GRIA1: variants seen among roughly 807,000 people sequenced by gnomAD.
The protein encoded by GRIA1 is glutamate receptor 1.
In GRIA1, 31 loss-of-function variants were observed where a neutral mutation model predicts 99.2. That is an observed-to-expected ratio of 0.31 (90% confidence interval 0.23 to 0.42). The LOEUF (loss-of-function observed/expected upper bound fraction) is 0.42, where lower values mean the gene tolerates loss of function less well. Ranked by LOEUF, GRIA1 falls within the 10% of genes least tolerant of loss-of-function variation. The pLI, the probability that GRIA1 is intolerant of heterozygous loss-of-function variation, is 1.00. For missense variants in GRIA1, 782 were observed against 1,157.5 expected, an observed-to-expected ratio of 0.68 and a Z score of 4.71; for synonymous variants, 438 against 432.4, an observed-to-expected ratio of 1.01 and a Z score of -0.16.
At chr5:153,606,545 A>C (rs552129432) in intron 2 of GRIA1, among the ~76,000 whole-genome samples, 1 of 152,060 alleles carries the variant, frequency 6.6e-6, no homozygotes, top group Admixed American at 6.6e-5. Flanking sequence ...ATATTGCTTC[A>C]ATTATTAAGA....
intron 14 of GRIA1, among the ~76,000 whole-genome samples, chr5:153,797,163 T>C (rs895576385): frequency 3.3e-5 from 5 of 152,222 alleles, no homozygotes; most frequent in Admixed American, 2.6e-4. Flanking sequence ...CTAGAGACTT[T>C]GGGCTCCAGC....
intron 15 of GRIA1, among the ~76,000 whole-genome samples, chr5:153,809,432 T>C (rs933499360): frequency 2.6e-5 from 4 of 152,158 alleles, no homozygotes; most frequent in Admixed American, 2.0e-4. Context: ...GTCTGAATCA[T>C]GGATTTTAAA....
rs1561866370 is a variant in GRIA1 at position 153,794,745 on chromosome 5, A to T, written c.2385+10A>T. 6.4e-7 allele frequency: 1 copy of T among 1,556,230 alleles called. No homozygotes were observed. The highest frequency in any genetic ancestry group is 1.7e-5 in the Admixed American group (1 of 57,888). On this transcript the variant is annotated intron_variant, in intron 14 of 15. Coordinates refer to ENST00000285900, the MANE Select transcript of GRIA1 (RefSeq NM_000827.4). Reference sequence around the variant, plus strand: ...GGGAGGTGATTCCAAGGTCAGCCCCAGTAAGAAAAAAAAAAACCTAGTGGG... The same window carrying T: ...GGGAGGTGATTCCAAGGTCAGCCCCTGTAAGAAAAAAAAAAACCTAGTGGG...
chr5:153,756,556 G>A (rs1284655059), intron 11 of GRIA1, among the ~76,000 whole-genome samples: 1 of 152,118 alleles, frequency 6.6e-6, no homozygotes, highest in African/African-American at 2.4e-5. Context: ...GCAGGGATCT[G>A]TCAAAAAACA....
Position 153,492,309 on chromosome 5 carries a change from G to A in GRIA1, c.82+1339G>A. ...CACCTGTTAAGCTACATCCTGAAGT[G>A]TGTACGTATCTGTGTGTTAGTGCCT... On this transcript the variant is annotated intron_variant, in intron 1 of 15. Coordinates refer to ENST00000285900, the MANE Select transcript of GRIA1 (RefSeq NM_000827.4). 6.5e-7 allele frequency: 1 copy of A among 1,534,050 alleles called. No homozygotes were observed. The highest frequency in any genetic ancestry group is 8.7e-7 in the Non-Finnish European group (1 of 1,145,960).
At chr5:153,585,297 CTCTT>C (rs1415753693) in intron 2 of GRIA1, among the ~76,000 whole-genome samples, 11 of 128,978 alleles carry the variant, frequency 8.5e-5, no homozygotes, top group Non-Finnish European at 1.6e-4. Flanking sequence ...CTTTCTCTCT[CTCTT>C]TTTTTTTTTT....
chr5:153,763,913 C>T (rs1212147616), intron 11 of GRIA1, among the ~76,000 whole-genome samples: 3 of 152,224 alleles, frequency 2.0e-5, no homozygotes, highest in Non-Finnish European at 4.4e-5. Flanking sequence ...GATTCTATTT[C>T]CAATGTATTC....
intron 2 of GRIA1, among the ~76,000 whole-genome samples, chr5:153,575,993 C>A (rs1278293126): frequency 2.0e-5 from 3 of 152,176 alleles, no homozygotes; most frequent in Non-Finnish European, 4.4e-5. Context: ...ATTAGGACAA[C>A]ATATTGATTA....
intron 2 of GRIA1, among the ~76,000 whole-genome samples, chr5:153,645,385 G>A (rs1467724353): frequency 6.6e-6 from 1 of 152,128 alleles, no homozygotes; most frequent in African/African-American, 2.4e-5. Context: ...AACAGAAAAT[G>A]GAGACTCACA....
chr5:153,666,323 C>T (rs907185554), intron 5 of GRIA1, among the ~76,000 whole-genome samples: 1 of 152,074 alleles, frequency 6.6e-6, no homozygotes, highest in Non-Finnish European at 1.5e-5. Context: ...TGAGAAGGGC[C>T]CCTGCACGTT....
Position 153,813,467 on chromosome 5 carries a change from G to A in GRIA1, c.*2242G>A, listed in dbSNP as rs1385191440. 6.6e-6 allele frequency: 1 copy of A among 152,234 alleles called. No homozygotes were observed. The highest frequency in any genetic ancestry group is 1.9e-4 in the East Asian group (1 of 5,198). 9.4% of individuals were successfully genotyped at this position (152,234 alleles called of 1,614,324 possible). ...TGCTAGAAATGAGGGTCTATGCTAT[G>A]AGGGGGTCCAAGACTCTGGCGAAAT... On this transcript the variant is annotated 3_prime_UTR_variant, in exon 16 of 16. Transcript: ENST00000285900.
At chr5:153,723,459 C>T (rs866102135) in intron 11 of GRIA1, among the ~76,000 whole-genome samples, 187 of 151,396 alleles carry the variant, frequency 1.2e-3, no homozygotes, top group Middle Eastern at 3.4e-3. Context: ...ACTCGGGAAA[C>T]GCAAGGGATC....
intron 7 of GRIA1, among the ~76,000 whole-genome samples, chr5:153,681,455 A>C (rs2149492072): frequency 6.6e-6 from 1 of 152,262 alleles, no homozygotes; most frequent in South Asian, 2.1e-4. Context: ...ACATGGAGTA[A>C]ATTGGGTTTT....
At position 153,811,691 on chromosome 5, in the gene GRIA1, A is replaced by T. The variant is rs990104831; in HGVS notation, c.*466A>T. ...CCCAACTCCCTACCCACCCCTCTTCAGTTTTCAGATTGGAGATTCAAGATT... is the reference window on the plus strand; with the variant it reads ...CCCAACTCCCTACCCACCCCTCTTCTGTTTTCAGATTGGAGATTCAAGATT... On this transcript the variant is annotated 3_prime_UTR_variant, in exon 16 of 16. Coordinates refer to ENST00000285900, the MANE Select transcript of GRIA1 (RefSeq NM_000827.4). 3.9e-5 allele frequency: 6 copies of T among 154,544 alleles called. No individual in the cohort carries two copies. The highest frequency in any genetic ancestry group is 1.5e-4 in the African/African-American group (6 of 41,322). The allele number at this position is 154,544 out of a possible 1,614,324, so 9.6% of individuals were successfully genotyped here.
rs146405573 is a variant in GRIA1, at chr5:153,763,146, T to C, written c.1824-1288T>C. On this transcript the variant is annotated intron_variant, in intron 11 of 15. Coordinates refer to ENST00000285900, the MANE Select transcript of GRIA1 (RefSeq NM_000827.4). ...CATATATTTGTTGGATTTCTTGGAG[T>C]AAACCCTGTCTGCCTAGAGTGAAAA... Among the ~76,000 whole-genome samples, 341 of 152,272 alleles carry C rather than the reference T, an allele frequency of 2.2e-3. 1 individual carries two copies. Among genetic ancestry groups the C allele is most frequent in the African/African-American group, 7.9e-3 (327 of 41,558 alleles).
intron 5 of GRIA1, among the ~76,000 whole-genome samples, chr5:153,670,164 G>A (rs988868197): frequency 6.6e-6 from 1 of 152,196 alleles, no homozygotes; most frequent in Non-Finnish European, 1.5e-5. Context: ...AGTAGACACA[G>A]CATTCTTTCT....
intron 11 of GRIA1, among the ~76,000 whole-genome samples, chr5:153,721,351 T>C (rs1347757101): frequency 2.6e-5 from 4 of 152,214 alleles, no homozygotes; most frequent in African/African-American, 9.6e-5. Context: ...TTATTTTCTT[T>C]TTATAAATTT....
At chr5:153,723,644 G>A (rs1367910132) in intron 11 of GRIA1, among the ~76,000 whole-genome samples, 1 of 152,152 alleles carries the variant, frequency 6.6e-6, no homozygotes, top group East Asian at 1.9e-4. Context: ...CTGATTGCTA[G>A]CACAGCAGTC....
chr5:153,762,333 A>G lies in GRIA1; in HGVS notation c.1824-2101A>G, dbSNP rs146657058. ...AAAACAAAATAAAATTTTAAAAAGGAAAGAGGTACAGTTTAGAGGCCATTG... is the reference window on the plus strand; with the variant it reads ...AAAACAAAATAAAATTTTAAAAAGGGAAGAGGTACAGTTTAGAGGCCATTG... On this transcript the variant is annotated intron_variant, in intron 11 of 15. Transcript: ENST00000285900. Among the ~76,000 whole-genome samples the G allele has an allele frequency of 3.9e-4, 60 of 152,262 alleles. No individual in the cohort carries two copies. In the East Asian group the frequency reaches 0.011, roughly 28 times the overall value.
Sources: allele counts gnomAD v4.1 joint callset (sites outside exome capture counted in the v4.1 genomes callset), GRCh38; gene constraint gnomAD v4.1.1; transcripts MANE v1.5; gene names NCBI Gene and HGNC (gene_info 2026-07-23, HGNC 2026-07-21).